Variants in PDE3B observed in about 807,000 individuals in gnomAD.
PDE3B encodes cGMP-inhibited 3',5'-cyclic phosphodiesterase 3B.
PDE3B carries 66 observed loss-of-function variants against 116.8 expected under a neutral mutation model. The observed-to-expected ratio is 0.56, with a 90% CI of 0.46 to 0.69. PDE3B has a LOEUF of 0.69. PDE3B is among the 30% of genes least tolerant of loss of function. The probability of loss-of-function intolerance (pLI) is 0.00; values close to 1 mark genes in which losing one functional copy is unlikely to be tolerated. For missense variants in PDE3B, 1,384 were observed against 1,368.1 expected (o/e 1.01, Z -0.18); for synonymous variants, 595 against 533.6 (o/e 1.12, Z -1.59).
At chr11:14,843,174 G>A (rs975415394) in intron 11 of PDE3B, among the ~76,000 whole-genome samples, 1 of 152,178 alleles carries the variant, frequency 6.6e-6, no homozygotes, top group Admixed American at 6.5e-5. Flanking sequence ...AGCACAGTGT[G>A]GATAGTGAAC....
At chr11:14,896,206 G>A in the PDE3B span, among the ~76,000 whole-genome samples, 1 of 152,108 alleles carries the variant, frequency 6.6e-6, no homozygotes, top group East Asian at 1.9e-4. Context: ...AGAAATGCAT[G>A]AACACTTCAT....
intron 1 of PDE3B, among the ~76,000 whole-genome samples, chr11:14,751,378 T>C (rs1857052470): frequency 6.6e-6 from 1 of 152,174 alleles, no homozygotes; most frequent in East Asian, 1.9e-4. Flanking sequence ...AGAAATTGAG[T>C]GCATCTACCT....
intron 5 of PDE3B, among the ~76,000 whole-genome samples, chr11:14,808,955 T>C (rs1245389963): frequency 2.6e-5 from 4 of 152,206 alleles, no homozygotes; most frequent in African/African-American, 7.2e-5. Flanking sequence ...CTAGATTCGA[T>C]ACAGTCCTTA....
At chr11:14,846,547 A>T (rs1202734218) in intron 12 of PDE3B, among the ~76,000 whole-genome samples, 1 of 152,196 alleles carries the variant, frequency 6.6e-6, no homozygotes, top group South Asian at 2.1e-4. Context: ...AGACTGGCAA[A>T]TTGGATAAAG....
chr11:14,655,123 A>G (rs1853677740), intron 1 of PDE3B, among the ~76,000 whole-genome samples: 1 of 152,192 alleles, frequency 6.6e-6, no homozygotes, highest in Admixed American at 6.5e-5. Context: ...CTTTGCAAAC[A>G]TAAGAATTTA....
At chr11:14,673,979 G>T in intron 1 of PDE3B, 1 of 1,354,180 alleles carries the variant, frequency 7.4e-7, no homozygotes, top group Non-Finnish European at 1.1e-6. Flanking sequence ...CCTCAAGAAT[G>T]GAATCCACAT....
At chr11:14,891,723 A>C in the PDE3B span, 8 of 1,260,244 alleles carry the variant, frequency 6.3e-6, no homozygotes, top group East Asian at 3.8e-5. Flanking sequence ...GGTAGCGGGA[A>C]AATCAGGACT....
rs576108153 is a variant in PDE3B, at chr11:14,791,337, G to A, written c.1415+2095G>A. ...GCCTGACTGATTTCAGCATGATTCC[G>A]GTGTTGAACCTCTCATTTCCTGAGC... On this transcript the variant is annotated intron_variant, in intron 4 of 15. Transcript: ENST00000282096. Among the ~76,000 whole-genome samples, 4 of 152,138 alleles carry A rather than the reference G, an allele frequency of 2.6e-5. No individual in the cohort carries two copies. In the South Asian group the frequency reaches 8.3e-4, roughly 32 times the overall value.
chr11:14,847,695 G>A (rs1287288390), intron 12 of PDE3B, among the ~76,000 whole-genome samples: 1 of 152,208 alleles, frequency 6.6e-6, no homozygotes, highest in Non-Finnish European at 1.5e-5. Flanking sequence ...TGCCATCAGA[G>A]AATAGTACAA....
At chr11:14,845,582 A>C (rs1847581089) in intron 12 of PDE3B, among the ~76,000 whole-genome samples, 1 of 152,312 alleles carries the variant, frequency 6.6e-6, no homozygotes, top group African/African-American at 2.4e-5. Context: ...AAGAAGTTGA[A>C]AACTTTGAAA....
intron 1 of PDE3B, among the ~76,000 whole-genome samples, chr11:14,655,901 T>C (rs1427851737): frequency 6.6e-6 from 1 of 152,164 alleles, no homozygotes; most frequent in Admixed American, 6.5e-5. Flanking sequence ...GAGAGTAATG[T>C]ATGGAAGATA....
At chr11:14,649,989 A>G (rs1192880419) in intron 1 of PDE3B, among the ~76,000 whole-genome samples, 1 of 151,764 alleles carries the variant, frequency 6.6e-6, no homozygotes, top group Non-Finnish European at 1.5e-5. Context: ...GCTGATCTGC[A>G]CTTATTTAGG....
At chr11:14,896,474 C>G in the PDE3B span, among the ~76,000 whole-genome samples, 1 of 152,130 alleles carries the variant, frequency 6.6e-6, no homozygotes, top group East Asian at 1.9e-4. Context: ...CAACACCAGT[C>G]AAATAATCAC....
At chr11:14,714,942 TC>T (rs1306895230) in intron 1 of PDE3B, among the ~76,000 whole-genome samples, 6 of 148,486 alleles carry the variant, frequency 4.0e-5, no homozygotes, top group Non-Finnish European at 7.6e-5. Flanking sequence ...AAATATAATA[TC>T]TTAAATATTC....
chr11:14,659,902 T>A (rs993500919), intron 1 of PDE3B, among the ~76,000 whole-genome samples: 1 of 152,224 alleles, frequency 6.6e-6, no homozygotes, highest in African/African-American at 2.4e-5. Context: ...TTAGTAAACA[T>A]GTATTTGACA....
In PDE3B at chr11:14,740,791, A is replaced by G. The variant is rs190514955; in HGVS notation, c.979-31146A>G. ...CTTTGGTTCTGTGCCAGAGATTCTGATATGTAGTGTCTTTGTTCTCATTGG... is the reference window on the plus strand; with the variant it reads ...CTTTGGTTCTGTGCCAGAGATTCTGGTATGTAGTGTCTTTGTTCTCATTGG... On this transcript the variant is annotated intron_variant, in intron 1 of 15. Coordinates refer to ENST00000282096, the MANE Select transcript of PDE3B (RefSeq NM_000922.4). 2.5e-4 allele frequency among the ~76,000 whole-genome samples: 38 copies of G among 152,088 alleles called. 1 individual carries two copies. Among genetic ancestry groups the G allele is most frequent in the East Asian group, 7.8e-4 (4 of 5,156 alleles).
intron 1 of PDE3B, among the ~76,000 whole-genome samples, chr11:14,673,051 A>G (rs1283300713): frequency 1.3e-5 from 2 of 152,050 alleles, no homozygotes; most frequent in Non-Finnish European, 2.9e-5. Context: ...TGCATTAGAC[A>G]CAAATACAAA....
intron 1 of PDE3B, among the ~76,000 whole-genome samples, chr11:14,676,708 G>GA (rs1854542094): frequency 6.6e-6 from 1 of 152,104 alleles, no homozygotes; most frequent in East Asian, 1.9e-4. Flanking sequence ...TCATTATGTG[G>GA]CATGTCACTA....
chr11:14,847,983 T>C (rs1407347509), intron 12 of PDE3B, among the ~76,000 whole-genome samples: 3 of 152,166 alleles, frequency 2.0e-5, no homozygotes, highest in Admixed American at 1.3e-4. Context: ...CCCCAACTCA[T>C]TTTATGAGGC....
Sources: gnomAD v4.1 joint callset for allele counts (sites outside exome capture counted in the v4.1 genomes callset) on GRCh38, gnomAD v4.1.1 for gene constraint, MANE v1.5 for transcripts, NCBI Gene and HGNC (gene_info 2026-07-23, HGNC 2026-07-21) for gene names.